The following B4GALNT3 variants were observed in gnomAD, a reference collection of about 807,000 sequenced individuals.
B4GALNT3 encodes beta-1,4-N-acetyl-galactosaminyltransferase 3.
Under a neutral mutation model 120.2 loss-of-function variants are expected in B4GALNT3, and 86 were observed. The ratio of observed to expected loss-of-function variants is 0.72; its 90% CI spans 0.60 to 0.86. The LOEUF is 0.86. Ranked by LOEUF, B4GALNT3 falls within the 40% of genes least tolerant of loss-of-function variation. B4GALNT3 has a pLI of 0.00. For synonymous variants in B4GALNT3, 518 were observed against 510.4 expected, an observed-to-expected ratio of 1.01 and a Z score of -0.20; for missense variants, 1,167 against 1,298.9, an observed-to-expected ratio of 0.90 and a Z score of 1.56.
intron 1 of B4GALNT3, among the ~76,000 whole-genome samples, chr12:477,804 C>A (rs767541052): frequency 6.6e-6 from 1 of 152,028 alleles, no homozygotes; most frequent in Non-Finnish European, 1.5e-5. Flanking sequence ...TAGAAATATA[C>A]AAGTTGATGA....
At chr12:511,762 CT>C in intron 1 of B4GALNT3, among the ~76,000 whole-genome samples, 1 of 123,668 alleles carries the variant, frequency 8.1e-6, no homozygotes, top group African/African-American at 3.3e-5. Flanking sequence ...CTTCTTCCAC[CT>C]TCCACCTTCC....
chr12:480,433 G>GACGGCC (rs1277205440), intron 1 of B4GALNT3, among the ~76,000 whole-genome samples: 1 of 107,042 alleles, frequency 9.3e-6, no homozygotes. Flanking sequence ...GCTTGACGGT[G>GACGGCC]TGGTTCCTGA....
At position 549,844 on chromosome 12, in the gene B4GALNT3, C is replaced by T. The variant is rs778613471; in HGVS notation, c.929C>T (p.Ala310Val). ...GCCAGCCACGTGGACTCCTCCAACG[C>T]TCTTCCCAGGGATGAGCAGCCGCCC... ...TAASHVDSSNALPRDEQPPAD... is the reference protein window; with the variant it reads ...TAASHVDSSNVLPRDEQPPAD... The change falls in exon 10 of 20, where the codon GCT (alanine) becomes GTT (valine). Residue 310 changes from alanine to valine, a missense_variant. Physicochemically the swap from Ala to Val is moderately conservative, Grantham distance 64. Around this residue, in one of 3 missense-constraint regions of B4GALNT3, gnomAD observed 983 missense variants for 1,102.5 expected, o/e 0.89. Coordinates refer to ENST00000266383, the MANE Select transcript of B4GALNT3 (RefSeq NM_173593.4). 1.2e-6 allele frequency: 2 copies of T among 1,613,846 alleles called. No individual in the cohort carries two copies. Among genetic ancestry groups the T allele is most frequent in the Non-Finnish European group, 1.7e-6 (2 of 1,180,042 alleles).
intron 1 of B4GALNT3, among the ~76,000 whole-genome samples, chr12:505,752 T>C (rs1452341242): frequency 6.6e-6 from 1 of 152,174 alleles, no homozygotes; most frequent in Non-Finnish European, 1.5e-5. Context: ...TGCAGAGAGA[T>C]AGGGGTCTGA....
At chr12:559,715 C>T (rs944988576) in intron 19 of B4GALNT3, among the ~76,000 whole-genome samples, 1 of 152,050 alleles carries the variant, frequency 6.6e-6, no homozygotes, top group Admixed American at 6.6e-5. Context: ...CCATGATGTT[C>T]TCAGCACCAA....
At chr12:538,817 C>T (rs181702053) in intron 3 of B4GALNT3, among the ~76,000 whole-genome samples, 1 of 152,302 alleles carries the variant, frequency 6.6e-6, no homozygotes, top group Admixed American at 6.5e-5. Context: ...TGGCATCCAG[C>T]CCAGCCTTGC....
At position 489,161 on chromosome 12, in the gene B4GALNT3, CAG is replaced by C. The variant is rs1347547119; in HGVS notation, c.169+28617_169+28618del. On this transcript the variant is annotated intron_variant, in intron 1 of 19. Coordinates refer to ENST00000266383, the MANE Select transcript of B4GALNT3 (RefSeq NM_173593.4). Reference sequence around the variant, plus strand: ...GGGAACATCATACACTGGGGCCTGTCAGGGGTTGGGGTGGGGGGGCAAGGGGA... The same window carrying C: ...GGGAACATCATACACTGGGGCCTGTCGGGTTGGGGTGGGGGGGCAAGGGGA... Among the ~76,000 whole-genome samples the C allele has an allele frequency of 3.7e-4, 12 of 32,282 alleles. No individual in the cohort carries two copies. The East Asian group carries it at 6.7e-3, about 18-fold the overall frequency. The allele number at this position is 32,282 out of a possible 152,430, so 21.2% of individuals were successfully genotyped here. A position where few individuals can be genotyped will look rare whatever the true frequency, so the allele number is the denominator to read the frequency against.
chr12:531,041 G>A (rs774779280), intron 1 of B4GALNT3, among the ~76,000 whole-genome samples: 4 of 152,180 alleles, frequency 2.6e-5, no homozygotes, highest in Non-Finnish European at 2.9e-5. Context: ...GGAGGAGTTC[G>A]CTTACCAGAG....
Position 500,865 on chromosome 12 carries a change from C to CTTTT in B4GALNT3, c.170-34284_170-34281dup, listed in dbSNP as rs55927726. Among the ~76,000 whole-genome samples the CTTTT allele has an allele frequency of 1.6e-3, 98 of 61,802 alleles. 24 individuals are homozygous for CTTTT. The highest frequency in any genetic ancestry group is 0.013 in the Middle Eastern group (1 of 80). The allele number at this position is 61,802 out of a possible 152,430, so 40.5% of individuals were successfully genotyped here. On this transcript the variant is annotated intron_variant, in intron 1 of 19. Transcript: ENST00000266383. ...CTGAATTTGAATCCTGGCTCCACTG[C>CTTTT]TTTTTTTTTTTTTTTTTTTTGACAC...
At chr12:486,224 TTTTGAGACGGAGTCTCAC>T (rs1289588005) in intron 1 of B4GALNT3, among the ~76,000 whole-genome samples, 1 of 149,848 alleles carries the variant, frequency 6.7e-6, no homozygotes, top group Non-Finnish European at 1.5e-5. Context: ...TTTTTTTTTT[TTTTGAGACGGAGTCTCAC>T]TTTGCCACCC....
intron 1 of B4GALNT3, among the ~76,000 whole-genome samples, chr12:474,710 A>G (rs989301401): frequency 6.6e-6 from 1 of 152,128 alleles, no homozygotes; most frequent in Admixed American, 6.5e-5. Context: ...CTGTAATCTC[A>G]GCATTTTGGG....
intron 1 of B4GALNT3, among the ~76,000 whole-genome samples, chr12:514,388 G>A (rs1049880773): frequency 2.0e-5 from 3 of 151,708 alleles, no homozygotes; most frequent in Non-Finnish European, 4.4e-5. Flanking sequence ...TAGTAGAGGC[G>A]GGGTTTCACC....
chr12:557,672 CG>C lies in B4GALNT3; in HGVS notation c.2447del (p.Gly816ValfsTer23). On this transcript the variant is annotated frameshift_variant, in exon 16 of 20. Coordinates refer to ENST00000266383, the MANE Select transcript of B4GALNT3 (RefSeq NM_173593.4). LOFTEE classifies it high-confidence loss of function. Reference sequence around the variant, plus strand: ...ACATGGAAAACCTGTTCCAGGTCACCGGTGACCCACACTTCAACATCGTCAT... The same window carrying C: ...ACATGGAAAACCTGTTCCAGGTCACCGTGACCCACACTTCAACATCGTCAT... The part of the protein sequence containing the change: ...KDMENLFQVT[G>X]DPHFNIVITD... 1 of 1,610,178 alleles carries C rather than the reference CG, an allele frequency of 6.2e-7. No homozygotes were observed. The highest frequency in any genetic ancestry group is 8.5e-7 in the Non-Finnish European group (1 of 1,178,670).
chr12:489,348 A>C (rs911258543), intron 1 of B4GALNT3, among the ~76,000 whole-genome samples: 3 of 151,920 alleles, frequency 2.0e-5, no homozygotes, highest in African/African-American at 7.2e-5. Context: ...AAAACCCACA[A>C]AATACAGAAA....
At chr12:509,893 A>G (rs868768254) in intron 1 of B4GALNT3, among the ~76,000 whole-genome samples, 2 of 152,186 alleles carry the variant, frequency 1.3e-5, no homozygotes, top group Non-Finnish European at 2.9e-5. Flanking sequence ...GGACATCTCT[A>G]TTCCACACAT....
At chr12:513,837 C>T (rs1049492066) in intron 1 of B4GALNT3, among the ~76,000 whole-genome samples, 2 of 152,230 alleles carry the variant, frequency 1.3e-5, no homozygotes, top group Non-Finnish European at 1.5e-5. Context: ...AGTCCTCTGA[C>T]CTCAGTTTCC....
chr12:481,505 A>G lies in B4GALNT3; in HGVS notation c.169+20960A>G, dbSNP rs1946242351. On this transcript the variant is annotated intron_variant, in intron 1 of 19. Coordinates refer to ENST00000266383, the MANE Select transcript of B4GALNT3 (RefSeq NM_173593.4). ...CTCCAGTGCCCAGCTGAGGCTGGCCATGGTGGGAAAGTGGGACTTTGCTCT... is the reference window on the plus strand; with the variant it reads ...CTCCAGTGCCCAGCTGAGGCTGGCCGTGGTGGGAAAGTGGGACTTTGCTCT... Among the ~76,000 whole-genome samples, 4 of 152,328 alleles carry G rather than the reference A, an allele frequency of 2.6e-5. No individual in the cohort carries two copies. The South Asian group carries it at 8.3e-4, about 32-fold the overall frequency.
chr12:543,830 G>T (rs1195676873), intron 3 of B4GALNT3, among the ~76,000 whole-genome samples: 9 of 136,112 alleles, frequency 6.6e-5, no homozygotes, highest in Non-Finnish European at 1.4e-4. Flanking sequence ...GCTGGGATGG[G>T]CATGGGGTGC....
At chr12:464,473 A>C (rs968439372) in intron 1 of B4GALNT3, among the ~76,000 whole-genome samples, 3 of 151,898 alleles carry the variant, frequency 2.0e-5, no homozygotes, top group African/African-American at 7.3e-5. Context: ...CTACTAAAAA[A>C]GATTAAAAAA....
Sources: allele counts gnomAD v4.1 joint callset (sites outside exome capture counted in the v4.1 genomes callset), GRCh38; gene constraint gnomAD v4.1.1; regional missense constraint gnomAD v4.1.1; transcripts MANE v1.5; gene names NCBI Gene and HGNC (gene_info 2026-07-23, HGNC 2026-07-21).